The following SRBD1 variants were observed in gnomAD, a reference collection of about 807,000 sequenced individuals.
The protein encoded by SRBD1 is S1 RNA binding domain 1, also known as S1 RNA-binding domain-containing protein 1.
In SRBD1, 88 loss-of-function variants were observed where a neutral mutation model predicts 115.3. That is an observed-to-expected ratio of 0.76 (90% CI 0.64 to 0.91). The LOEUF is 0.91. Among genes scored for constraint, SRBD1 ranks in the 40% least tolerant of loss-of-function variants. The probability of loss-of-function intolerance (pLI) is 0.00; values close to 1 mark genes in which losing one functional copy is unlikely to be tolerated. For synonymous variants in SRBD1, 509 were observed against 407.7 expected, an observed-to-expected ratio of 1.25 and a Z score of -2.99; for missense variants, 1,385 against 1,177.4, an observed-to-expected ratio of 1.18 and a Z score of -2.58.
chr2:45,513,339 G>A (rs573920413), intron 14 of SRBD1, among the ~76,000 whole-genome samples: 2 of 151,716 alleles, frequency 1.3e-5, no homozygotes, highest in Admixed American at 6.6e-5. Flanking sequence ...GAGAATATAT[G>A]GTATGTAGTC....
intron 15 of SRBD1, among the ~76,000 whole-genome samples, chr2:45,479,203 T>C (rs1369672554): frequency 6.6e-6 from 1 of 152,036 alleles, no homozygotes; most frequent in Non-Finnish European, 1.5e-5. Context: ...CACACAACGG[T>C]ATTGAAATCA....
Position 45,450,725 on chromosome 2 carries a change from A to T in SRBD1, c.2049+26268T>A, listed in dbSNP as rs888432447. Among the ~76,000 whole-genome samples, 5 of 152,136 alleles carry T rather than the reference A, an allele frequency of 3.3e-5. 1 individual carries two copies. The highest frequency in any genetic ancestry group is 3.3e-4 in the Admixed American group (5 of 15,258). On this transcript the variant is annotated intron_variant, in intron 16 of 20. Coordinates refer to ENST00000263736, the MANE Select transcript of SRBD1 (RefSeq NM_018079.5). ...AAGAAGCATCAGAGTTTTGAAGGGAAAAAAGGCAAAAGTGCCCTATCTTGG... is the reference window on the plus strand; with the variant it reads ...AAGAAGCATCAGAGTTTTGAAGGGATAAAAGGCAAAAGTGCCCTATCTTGG...
intron 20 of SRBD1, 21 bp from the exon 21 acceptor site, chr2:45,389,620 G>A (rs371806122): frequency 1.2e-6 from 2 of 1,605,466 alleles, no homozygotes; most frequent in Non-Finnish European, 8.5e-7. Flanking sequence ...AAAAAAGTAA[G>A]TGTAAATAAG....
At chr2:45,503,905 G>C (rs902760764) in intron 14 of SRBD1, among the ~76,000 whole-genome samples, 1 of 151,996 alleles carries the variant, frequency 6.6e-6, no homozygotes, top group African/African-American at 2.4e-5. Flanking sequence ...TGTTATAATA[G>C]GCAGAATCCA....
intron 19 of SRBD1, among the ~76,000 whole-genome samples, chr2:45,400,277 T>C (rs1031091982): frequency 1.3e-5 from 2 of 151,966 alleles, no homozygotes; most frequent in African/African-American, 4.8e-5. Flanking sequence ...AGGAGGGAGA[T>C]AATGGGAAAC....
chr2:45,526,961 G>T (rs1414384884), intron 14 of SRBD1, among the ~76,000 whole-genome samples: 1 of 151,856 alleles, frequency 6.6e-6, no homozygotes, highest in Non-Finnish European at 1.5e-5. Flanking sequence ...TACTGATAAC[G>T]TTACATGTCT....
intron 19 of SRBD1, among the ~76,000 whole-genome samples, chr2:45,411,873 G>T (rs558862887): frequency 6.6e-6 from 1 of 152,308 alleles, no homozygotes; most frequent in Admixed American, 6.5e-5. Context: ...CTCTTTGGGA[G>T]GCCAAGGTGG....
chr2:45,518,415 C>T (rs182028493), intron 14 of SRBD1, among the ~76,000 whole-genome samples: 1 of 152,236 alleles, frequency 6.6e-6, no homozygotes, highest in African/African-American at 2.4e-5. Context: ...ATGACAGAAC[C>T]GTATTATAAT....
At chr2:45,559,800 A>G (rs927405791) in intron 10 of SRBD1, among the ~76,000 whole-genome samples, 2 of 152,156 alleles carry the variant, frequency 1.3e-5, no homozygotes, top group Non-Finnish European at 2.9e-5. Flanking sequence ...CAGGCCGGGC[A>G]TGGTGGTTCA....
At chr2:45,450,857 T>G (rs1340140966) in intron 16 of SRBD1, among the ~76,000 whole-genome samples, 2 of 152,142 alleles carry the variant, frequency 1.3e-5, no homozygotes, top group Non-Finnish European at 2.9e-5. Context: ...ATTCTACAAG[T>G]TAACAGCTTT....
chr2:45,418,460 T>C lies in SRBD1; in HGVS notation c.2238A>G (p.Glu746=). Residue 746 remains glutamate (E), a synonymous_variant, in exon 18 of 21, where the codon GAA becomes GAG. Coordinates refer to ENST00000263736, the MANE Select transcript of SRBD1 (RefSeq NM_018079.5). ...REKNGPFINR[E]QLKKVKGLGP... ...CCAGCCCTTTCACTTTCTTCAGCTG[T>C]TCTCGGTTGATAAAGGGTCCATTTT... The C allele has an allele frequency of 6.2e-7, 1 of 1,614,002 alleles. No individual in the cohort carries two copies. Among genetic ancestry groups the C allele is most frequent in the Non-Finnish European group, 8.5e-7 (1 of 1,179,978 alleles).
intron 16 of SRBD1, among the ~76,000 whole-genome samples, chr2:45,448,431 G>A (rs1181470735): frequency 6.6e-6 from 1 of 152,112 alleles, no homozygotes; most frequent in Admixed American, 6.5e-5. Context: ...TCCCAAACTT[G>A]GAGTGGACCA....
At chr2:45,465,651 ATAT>A (rs957146653) in intron 16 of SRBD1, among the ~76,000 whole-genome samples, 2 of 152,336 alleles carry the variant, frequency 1.3e-5, no homozygotes, top group East Asian at 1.9e-4. Flanking sequence ...CATTTTAAAA[ATAT>A]TATTTAACAG....
intron 15 of SRBD1, among the ~76,000 whole-genome samples, chr2:45,480,901 T>C (rs1270696285): frequency 6.6e-6 from 1 of 152,160 alleles, no homozygotes; most frequent in African/African-American, 2.4e-5. Context: ...CCAAACAGCA[T>C]CACATGCTAC....
intron 14 of SRBD1, among the ~76,000 whole-genome samples, chr2:45,508,093 T>C (rs1181672261): frequency 6.6e-6 from 1 of 152,202 alleles, no homozygotes; most frequent in Non-Finnish European, 1.5e-5. Flanking sequence ...TAAACAAATT[T>C]AGAAGGTTGT....
chr2:45,508,839 T>G (rs1240936554), intron 14 of SRBD1, among the ~76,000 whole-genome samples: 1 of 152,158 alleles, frequency 6.6e-6, no homozygotes, highest in Non-Finnish European at 1.5e-5. Context: ...TAAAAATGAT[T>G]AAAGTCATAA....
At chr2:45,566,320 T>A (rs1012033536) in intron 9 of SRBD1, among the ~76,000 whole-genome samples, 5 of 152,178 alleles carry the variant, frequency 3.3e-5, no homozygotes, top group African/African-American at 1.2e-4. Context: ...ATTCACTGAC[T>A]GATGAATGGA....
chr2:45,422,816 G>C (rs1410141778), intron 16 of SRBD1, among the ~76,000 whole-genome samples: 1 of 152,146 alleles, frequency 6.6e-6, no homozygotes, highest in East Asian at 1.9e-4. Context: ...ATGTTATTGA[G>C]TATAAAATTT....
At chr2:45,476,888 G>C (rs1017231510) in intron 16 of SRBD1, 105 bp downstream of exon 16, 1 of 1,018,162 alleles carries the variant, frequency 9.8e-7, no homozygotes, top group African/African-American at 1.6e-5. Flanking sequence ...GTATAACCTT[G>C]AAAATGGGAA....
Sources: allele counts gnomAD v4.1 joint callset (sites outside exome capture counted in the v4.1 genomes callset), GRCh38; gene constraint gnomAD v4.1.1; transcripts MANE v1.5; gene names NCBI Gene and HGNC (gene_info 2026-07-23, HGNC 2026-07-21).